NCKAP5: variants seen among roughly 807,000 people sequenced by gnomAD.
The protein encoded by NCKAP5 is NCK associated protein 5, also known as nck-associated protein 5.
NCKAP5 carries 92 observed loss-of-function variants against 167.0 expected under a neutral mutation model. The ratio of observed to expected loss-of-function variants is 0.55; its 90% confidence interval spans 0.47 to 0.66. The LOEUF is 0.66. Ranked by LOEUF, NCKAP5 falls within the 30% of genes least tolerant of loss-of-function variation. The pLI is 0.00. For synonymous variants in NCKAP5, 891 were observed against 877.4 expected, an observed-to-expected ratio of 1.02 and a Z score of -0.27; for missense variants, 2,378 against 2,315.0, an observed-to-expected ratio of 1.03 and a Z score of -0.56.
chr2:133,338,437 A>AC (rs1331521563), intron 3 of NCKAP5, among the ~76,000 whole-genome samples: 1 of 152,184 alleles, frequency 6.6e-6, no homozygotes, highest in East Asian at 1.9e-4. Flanking sequence ...TGAATCATGC[A>AC]CCCCCATCTT....
At chr2:132,743,074 G>GCA (rs3043669) in intron 16 of NCKAP5, among the ~76,000 whole-genome samples, 49 of 150,840 alleles carry the variant, frequency 3.2e-4, no homozygotes, top group Non-Finnish European at 5.9e-4. Flanking sequence ...ATGTGCACAT[G>GCA]CACACACACA....
chr2:133,099,105 C>T (rs2081426523), intron 6 of NCKAP5, among the ~76,000 whole-genome samples: 4 of 151,964 alleles, frequency 2.6e-5, no homozygotes, highest in South Asian at 2.1e-4. Flanking sequence ...TTCTAAGTAC[C>T]GTATTGGGCA....
At chr2:133,090,603 A>G (rs2081144059) in intron 6 of NCKAP5, among the ~76,000 whole-genome samples, 1 of 152,152 alleles carries the variant, frequency 6.6e-6, no homozygotes, top group South Asian at 2.1e-4. Flanking sequence ...CAGAACTGTG[A>G]GACAATAAAT....
chr2:132,762,833 G>A (rs904009990), intron 16 of NCKAP5, among the ~76,000 whole-genome samples: 3 of 152,206 alleles, frequency 2.0e-5, no homozygotes, highest in African/African-American at 7.2e-5. Context: ...TGCTCACTGT[G>A]TGCCTTTCCG....
At chr2:133,505,537 T>C (rs1682928555) in intron 3 of NCKAP5, among the ~76,000 whole-genome samples, 1 of 152,232 alleles carries the variant, frequency 6.6e-6, no homozygotes, top group African/African-American at 2.4e-5. Flanking sequence ...ATGCCCTATT[T>C]GTGTTGTGAG....
chr2:133,496,418 G>A (rs1389083528), intron 3 of NCKAP5, among the ~76,000 whole-genome samples: 3 of 152,116 alleles, frequency 2.0e-5, no homozygotes, highest in Non-Finnish European at 4.4e-5. Context: ...GCCATTTATA[G>A]GACGAATTTT....
At chr2:133,173,602 C>T (rs2084336868) in intron 5 of NCKAP5, among the ~76,000 whole-genome samples, 1 of 152,160 alleles carries the variant, frequency 6.6e-6, no homozygotes, top group African/African-American at 2.4e-5. Context: ...CCACTGGTCC[C>T]CCTAACCCTG....
At chr2:133,355,969 G>A (rs1052368610) in intron 3 of NCKAP5, among the ~76,000 whole-genome samples, 15 of 151,660 alleles carry the variant, frequency 9.9e-5, no homozygotes, top group African/African-American at 2.7e-4. Context: ...CATCTGTCGC[G>A]CAGGCTGGAG....
At chr2:133,514,570 A>C (rs143854366) in intron 3 of NCKAP5, among the ~76,000 whole-genome samples, 5 of 152,262 alleles carry the variant, frequency 3.3e-5, no homozygotes, top group African/African-American at 1.2e-4. Context: ...AATGAAGTTA[A>C]TAGCACCTTA....
chr2:133,479,020 G>C (rs1029980571), intron 3 of NCKAP5, among the ~76,000 whole-genome samples: 12 of 152,042 alleles, frequency 7.9e-5, no homozygotes, highest in Admixed American at 5.2e-4. Context: ...CTTTAATTTG[G>C]TTATTAAAAT....
At chr2:133,217,158 T>C (rs1233821941) in intron 4 of NCKAP5, among the ~76,000 whole-genome samples, 2 of 152,126 alleles carry the variant, frequency 1.3e-5, no homozygotes, top group Non-Finnish European at 2.9e-5. Context: ...ACAAACGTTT[T>C]TAAGTACATA....
the NCKAP5 span, among the ~76,000 whole-genome samples, chr2:133,578,058 T>G: frequency 6.6e-6 from 1 of 152,130 alleles, no homozygotes; most frequent in Non-Finnish European, 1.5e-5. Context: ...CTTCTCAAAA[T>G]CTCAAAAATA....
At chr2:133,262,781 G>C (rs1017225250) in intron 4 of NCKAP5, among the ~76,000 whole-genome samples, 1 of 152,200 alleles carries the variant, frequency 6.6e-6, no homozygotes, top group African/African-American at 2.4e-5. Flanking sequence ...TATCAGCTAA[G>C]TATGAAATGG....
intron 2 of NCKAP5, among the ~76,000 whole-genome samples, chr2:133,557,089 T>C (rs1298353664): frequency 1.3e-5 from 2 of 152,116 alleles, no homozygotes; most frequent in Non-Finnish European, 2.9e-5. Context: ...TGGAGAGAAT[T>C]CTAGGTTCTA....
intron 2 of NCKAP5, among the ~76,000 whole-genome samples, chr2:133,520,992 T>C (rs935183073): frequency 6.6e-6 from 1 of 152,090 alleles, no homozygotes; most frequent in Non-Finnish European, 1.5e-5. Context: ...AAAACAATCA[T>C]GGAAAGGTTC....
Position 132,783,694 on chromosome 2 carries a change from G to C in NCKAP5, c.3117C>G (p.Val1039=), listed in dbSNP as rs1375883930. 5 of 1,613,656 alleles carry C rather than the reference G, an allele frequency of 3.1e-6. No individual in the cohort carries two copies. In the Admixed American group the frequency reaches 6.7e-5, roughly 22 times the overall value. ...FTVMALGPPK[V]SPKRGVPKTS... Reference sequence around the variant, plus strand: ...TTTTGGGGACACCTCTCTTCGGAGAGACCTTTGGAGGCCCCAGAGCCATTA... The same window carrying C: ...TTTTGGGGACACCTCTCTTCGGAGACACCTTTGGAGGCCCCAGAGCCATTA... The change falls in exon 14 of 20, where the codon GTC becomes GTG. Residue 1039 remains valine (V), a synonymous_variant. Coordinates refer to ENST00000409261, the MANE Select transcript of NCKAP5 (RefSeq NM_207363.3).
chr2:132,874,289 T>C (rs1218593197), intron 9 of NCKAP5, among the ~76,000 whole-genome samples: 1 of 151,630 alleles, frequency 6.6e-6, no homozygotes, highest in African/African-American at 2.4e-5. Flanking sequence ...TCTGTATTTT[T>C]AGTAGAGACG....
At chr2:132,712,648 T>C (rs545884746) in intron 19 of NCKAP5, among the ~76,000 whole-genome samples, 106 of 151,576 alleles carry the variant, frequency 7.0e-4, no homozygotes, top group African/African-American at 2.5e-3. Context: ...TGAGATTCTG[T>C]CTCAAAAAAA....
intron 4 of NCKAP5, chr2:133,267,227 T>G (rs1434944237): frequency 2.0e-5 from 3 of 151,846 alleles, no homozygotes; most frequent in African/African-American, 7.3e-5. Flanking sequence ...GAAGGGGAAA[T>G]AGTGCTTTCA....
Sources: allele counts gnomAD v4.1 joint callset (sites outside exome capture counted in the v4.1 genomes callset), GRCh38; gene constraint gnomAD v4.1.1; transcripts MANE v1.5; gene names NCBI Gene and HGNC (gene_info 2026-07-23, HGNC 2026-07-21).